Variants in AUTS2 observed in about 807,000 individuals in gnomAD.
AUTS2 encodes the protein activator of transcription and developmental regulator AUTS2, also known as autism susceptibility gene 2 protein.
In AUTS2, 17 loss-of-function variants were observed where a neutral mutation model predicts 112.4. That is an observed-to-expected ratio of 0.15 (90% CI 0.10 to 0.23). The LOEUF (loss-of-function observed/expected upper bound fraction) is 0.23, where lower values mean the gene tolerates loss of function less well. AUTS2 is among the 10% of genes least tolerant of loss of function. The probability of loss-of-function intolerance (pLI) is 1.00; values close to 1 mark genes in which losing one functional copy is unlikely to be tolerated. For synonymous variants in AUTS2, 751 were observed against 702.7 expected (o/e 1.07, Z -1.09); for missense variants, 1,510 against 1,701.6 (o/e 0.89, Z 1.98).
intron 6 of AUTS2, among the ~76,000 whole-genome samples, chr7:70,751,212 A>G (rs1427165817): frequency 6.6e-6 from 1 of 152,194 alleles, no homozygotes; most frequent in Non-Finnish European, 1.5e-5. Flanking sequence ...GGGTGTGGAC[A>G]TCAGCTTCTC....
At chr7:70,211,071 C>T (rs1235659051) in intron 4 of AUTS2, among the ~76,000 whole-genome samples, 1 of 152,028 alleles carries the variant, frequency 6.6e-6, no homozygotes. Context: ...CTGGGAGCCT[C>T]GGAGAGTATC....
At chr7:69,957,106 G>A (rs1290461803) in intron 2 of AUTS2, among the ~76,000 whole-genome samples, 1 of 138,636 alleles carries the variant, frequency 7.2e-6, no homozygotes, top group African/African-American at 2.7e-5. Flanking sequence ...TCAAACTCCT[G>A]CTGAAGCAAT....
At chr7:69,901,544 C>A (rs572811018) in intron 2 of AUTS2, among the ~76,000 whole-genome samples, 2 of 152,272 alleles carry the variant, frequency 1.3e-5, no homozygotes, top group South Asian at 4.1e-4. Flanking sequence ...TAATGGCCAA[C>A]TCTCTTGTAC....
chr7:69,889,664 A>G (rs1056430860), intron 1 of AUTS2, among the ~76,000 whole-genome samples: 1 of 152,224 alleles, frequency 6.6e-6, no homozygotes, highest in Non-Finnish European at 1.5e-5. Context: ...TATTACATGT[A>G]AAAAGAATAA....
At chr7:70,349,869 T>A (rs1030173083) in intron 4 of AUTS2, among the ~76,000 whole-genome samples, 2 of 152,232 alleles carry the variant, frequency 1.3e-5, no homozygotes, top group African/African-American at 2.4e-5. Flanking sequence ...ATACCCAGGT[T>A]CCAGTCCAAG....
intron 5 of AUTS2, among the ~76,000 whole-genome samples, chr7:70,516,997 T>G (rs1799442932): frequency 6.6e-6 from 1 of 152,032 alleles, no homozygotes; most frequent in Admixed American, 6.6e-5. Flanking sequence ...GATAATTAGG[T>G]GCAATTTTCT....
chr7:70,349,669 T>C (rs1403242674), intron 4 of AUTS2, among the ~76,000 whole-genome samples: 1 of 152,144 alleles, frequency 6.6e-6, no homozygotes, highest in African/African-American at 2.4e-5. Flanking sequence ...TTTTTTTTTT[T>C]CTTCACATGG....
At chr7:70,645,636 C>CT (rs1378640823) in intron 5 of AUTS2, among the ~76,000 whole-genome samples, 2 of 152,200 alleles carry the variant, frequency 1.3e-5, no homozygotes, top group Admixed American at 6.5e-5. Context: ...TTCCCTCCAC[C>CT]TTTCTTTGCC....
At chr7:70,586,071 C>T (rs1384866912) in intron 5 of AUTS2, among the ~76,000 whole-genome samples, 4 of 152,054 alleles carry the variant, frequency 2.6e-5, no homozygotes, top group Non-Finnish European at 5.9e-5. Flanking sequence ...CCTTGTTGGC[C>T]AGGCTGGTCT....
At chr7:69,681,219 T>C (rs1796780726) in intron 1 of AUTS2, among the ~76,000 whole-genome samples, 1 of 152,182 alleles carries the variant, frequency 6.6e-6, no homozygotes, top group Non-Finnish European at 1.5e-5. Context: ...TGAACACGAG[T>C]GTGCAAATTT....
chr7:70,510,547 A>G (rs1799140491), intron 5 of AUTS2, among the ~76,000 whole-genome samples: 1 of 152,214 alleles, frequency 6.6e-6, no homozygotes, highest in Non-Finnish European at 1.5e-5. Flanking sequence ...TTTCCCAATA[A>G]TAAGACATTA....
chr7:70,648,968 A>C (rs896653986), intron 5 of AUTS2, among the ~76,000 whole-genome samples: 1 of 152,240 alleles, frequency 6.6e-6, no homozygotes, highest in Non-Finnish European at 1.5e-5. Flanking sequence ...ATGAAAGATT[A>C]GGAGATCTCT....
chr7:70,383,487 CAG>C (rs765717006), intron 4 of AUTS2, among the ~76,000 whole-genome samples: 2 of 152,152 alleles, frequency 1.3e-5, no homozygotes, highest in Non-Finnish European at 2.9e-5. Context: ...ACATAATCTG[CAG>C]AGAGCTTATT....
chr7:69,628,646 C>T (rs184229149), intron 1 of AUTS2, among the ~76,000 whole-genome samples: 2 of 152,196 alleles, frequency 1.3e-5, no homozygotes, highest in Admixed American at 6.5e-5. Flanking sequence ...GGGAAGCAGG[C>T]GTGTCTTCAT....
chr7:70,338,932 G>A (rs1489350564), intron 4 of AUTS2, among the ~76,000 whole-genome samples: 3 of 150,826 alleles, frequency 2.0e-5, no homozygotes, highest in Admixed American at 6.6e-5. Context: ...GCGTGATCTC[G>A]GCTCACTGCA....
chr7:70,773,156 T>C (rs542849475), intron 11 of AUTS2, among the ~76,000 whole-genome samples: 1 of 152,198 alleles, frequency 6.6e-6, no homozygotes, highest in South Asian at 2.1e-4. Flanking sequence ...ATTGCTTTTC[T>C]TTCTTTCATT....
chr7:69,914,413 T>C (rs1189832335), intron 2 of AUTS2, among the ~76,000 whole-genome samples: 2 of 144,558 alleles, frequency 1.4e-5, no homozygotes, highest in African/African-American at 5.2e-5. Context: ...CAGACCCCAA[T>C]ACAGTATGAC....
chr7:70,598,561 CCTGA>C (rs753175933), intron 5 of AUTS2, among the ~76,000 whole-genome samples: 10 of 152,212 alleles, frequency 6.6e-5, no homozygotes, highest in East Asian at 1.9e-4. Flanking sequence ...CCATCACACA[CCTGA>C]CTGTGAGCTG....
At chr7:70,039,703 T>C (rs952427675) in intron 2 of AUTS2, among the ~76,000 whole-genome samples, 2 of 152,158 alleles carry the variant, frequency 1.3e-5, no homozygotes, top group East Asian at 3.8e-4. Context: ...TAACGAGATT[T>C]TTCCCAGTTC....
Sources: allele counts gnomAD v4.1 joint callset (sites outside exome capture counted in the v4.1 genomes callset), GRCh38; gene constraint gnomAD v4.1.1; transcripts MANE v1.5; gene names NCBI Gene and HGNC (gene_info 2026-07-23, HGNC 2026-07-21).